The following TTN variants were observed in gnomAD, a reference collection of about 807,000 sequenced individuals.
TTN encodes the protein connectin.
TTN carries 1,525 observed loss-of-function variants against 3,223.0 expected under a neutral mutation model. The ratio of observed to expected loss-of-function variants is 0.47; its 90% CI spans 0.45 to 0.49. The LOEUF is 0.49. Ranked by LOEUF, TTN falls within the 20% of genes least tolerant of loss-of-function variation. The pLI is 0.00. For missense variants in TTN, 40,786 were observed against 43,424.0 expected, an observed-to-expected ratio of 0.94 and a Z score of 5.40; for synonymous variants, 14,094 against 15,161.0, an observed-to-expected ratio of 0.93 and a Z score of 5.17.
rs2048560568 is a variant in TTN, at chr2:178,584,751, G to A, written c.64890C>T (p.Tyr21630=). The A allele has an allele frequency of 6.2e-7, 1 of 1,613,484 alleles. No homozygotes were observed. The highest frequency in any genetic ancestry group is 8.5e-7 in the Non-Finnish European group (1 of 1,179,568). Residue 21630 remains tyrosine (Y), a synonymous_variant, in exon 310 of 363, where the codon TAC becomes TAT. Transcript: ENST00000589042. The part of the protein sequence containing the change: ...RVGKLIPGQE[Y]IFRVRAENRF... Reference sequence around the variant, plus strand: ...GGTTTTCAGCACGGACCCGGAAGATGTACTCCTGGCCTGGGATCAGCTTTC... The same window carrying A: ...GGTTTTCAGCACGGACCCGGAAGATATACTCCTGGCCTGGGATCAGCTTTC...
Position 178,589,246 on chromosome 2 carries a change from A to G in TTN, c.62479T>C (p.Ser20827Pro), listed in dbSNP as rs1001628726. ...TTTGCTTTAGTAAGAGAAAATTTAG[A>G]TGAATCAGCACGGGTATCAATCTTG... ...RVKIDTRADSSKFSLTKAKRS... is the reference protein window; with the variant it reads ...RVKIDTRADSPKFSLTKAKRS... The change falls in exon 304 of 363, where the codon TCT (serine) becomes CCT (proline). Residue 20827 changes from serine to proline, a missense_variant. Coordinates refer to ENST00000589042, the MANE Select transcript of TTN (RefSeq NM_001267550.2). The G allele has an allele frequency of 8.1e-6, 13 of 1,613,370 alleles. No individual in the cohort carries two copies. In the African/African-American group the frequency reaches 1.2e-4, roughly 15 times the overall value.
At position 178,722,943 on chromosome 2, in the gene TTN, G is replaced by A. The variant is rs374870814; in HGVS notation, c.21962-6C>T. 183 of 1,605,556 alleles carry A rather than the reference G, an allele frequency of 1.1e-4. No homozygotes were observed. The highest frequency in any genetic ancestry group is 1.7e-4 in the Middle Eastern group (1 of 5,990). ...CGTAACAAAATAAGGCGGTTCTAAG[G>A]AAGAAAGGCTCACAGTTAGCAACTG... On this transcript the variant is annotated splice_polypyrimidine_tract_variant and splice_region_variant and intron_variant, in intron 75 of 362. Coordinates refer to ENST00000589042, the MANE Select transcript of TTN (RefSeq NM_001267550.2).
rs1699485019 is a variant in TTN at position 178,551,633 on chromosome 2, C to T, written c.91267G>A (p.Val30423Ile). The T allele has an allele frequency of 9.5e-6, 15 of 1,573,276 alleles. No homozygotes were observed. In the East Asian group the frequency reaches 3.4e-4, roughly 35 times the overall value. Residue 30423 changes from valine (V) to isoleucine (I), a missense_variant, in exon 335 of 363, where the codon GTA becomes ATA. Transcript: ENST00000589042. ...PSKFTLAVSP[V>I]DPPGTPDYID... is the part of the protein sequence containing the mutation. ...TATTTGAATAATAATCACTTACCTA[C>T]TGGAGAAACAGCTAAGGTAAATTTG... is the stretch of plus-strand genomic sequence containing the variant.
Position 178,636,202 on chromosome 2 carries a change from ACTTCCT to A in TTN, c.41363_41368del (p.Glu13788_Glu13789del), listed in dbSNP as rs2060417646. On this transcript the variant is annotated inframe_deletion, in exon 226 of 363. Transcript: ENST00000589042. The surrounding 1 kb of genome is among the most constrained non-coding windows in gnomAD (Gnocchi z 4.3). ...CAATGGCTGTCCTTTGACCACTGTG[ACTTCCT>A]CTTCCAGTGTTTTTACAAAACGCAC... The A allele has an allele frequency of 1.2e-6, 2 of 1,602,612 alleles. No individual in the cohort carries two copies. The highest frequency in any genetic ancestry group is 2.7e-5 in the African/African-American group (2 of 74,628).
In TTN at chr2:178,799,740, G is replaced by T. The variant is rs2093957707; in HGVS notation, c.670-9C>A. ...AAGTGGGCTTCAATCTTCTGTAAAA[G>T]ATTAAAACAAAGCCCACGTTGAGGA... On this transcript the variant is annotated splice_polypyrimidine_tract_variant and intron_variant, in intron 5 of 362. Coordinates refer to ENST00000589042, the MANE Select transcript of TTN (RefSeq NM_001267550.2). The T allele has an allele frequency of 6.2e-7, 1 of 1,614,126 alleles. No homozygotes were observed. Among genetic ancestry groups the T allele is most frequent in the Non-Finnish European group, 8.5e-7 (1 of 1,180,008 alleles).
rs764500643 is a variant in TTN at position 178,632,393 on chromosome 2, T to C, written c.43501A>G (p.Thr14501Ala). 20 of 1,591,876 alleles carry C rather than the reference T, an allele frequency of 1.3e-5. No homozygotes were observed. The African/African-American group carries it at 2.7e-4, about 22-fold the overall frequency. The part of the protein sequence containing the change: ...IIEGIRLKFL[T>A]PLKDVTAKEK... ...TTGGCAGTTACATCTTTGAGAGGGG[T>C]GAGGAATTTGAGCCGGATTCCTATC... The change falls in exon 236 of 363, where the codon ACC becomes GCC. Residue 14501 changes from threonine to alanine, a missense_variant. Thr to Ala is a moderately conservative substitution (Grantham distance 58). Coordinates refer to ENST00000589042, the MANE Select transcript of TTN (RefSeq NM_001267550.2).
At position 178,712,200 on chromosome 2, in the gene TTN, C is replaced by T. The variant is rs532738824; in HGVS notation, c.27630G>A (p.Gln9210=). Residue 9210 remains glutamine, a synonymous_variant, in exon 96 of 363, where the codon CAG becomes CAA. Coordinates refer to ENST00000589042, the MANE Select transcript of TTN (RefSeq NM_001267550.2). ...CAACAGACACCTTAACCGGCTCCAA[C>T]TGCTTGACAAAATACGGTGGTTCTG... is the stretch of plus-strand genomic sequence containing the variant. The part of the protein sequence containing the change: ...LILEPPYFVK[Q]LEPVKVSVGD... The T allele has an allele frequency of 6.2e-7, 1 of 1,613,378 alleles. No homozygotes were observed. The highest frequency in any genetic ancestry group is 2.2e-5 in the East Asian group (1 of 44,870).
In TTN at chr2:178,615,388, C is replaced by T. The variant is rs769784536; in HGVS notation, c.48557G>A (p.Arg16186His). The change falls in exon 259 of 363, where the codon CGC (arginine) becomes CAC (histidine). Residue 16186 changes from arginine to histidine, a missense_variant. By Grantham distance (29) the Arg-to-His change is conservative. Transcript: ENST00000589042. ...TCTTTCAACTATATATCCTTTGATG[C>T]GTGAACCACCATCATTTTTAGGTGG... ...WDPPKNDGGSRIKGYIVERCP... is the reference protein window; with the variant it reads ...WDPPKNDGGSHIKGYIVERCP... The T allele has an allele frequency of 2.2e-5, 35 of 1,612,470 alleles. No individual in the cohort carries two copies. The highest frequency in any genetic ancestry group is 8.8e-5 in the South Asian group (8 of 91,022).
At position 178,794,493 on chromosome 2, in the gene TTN, A is replaced by T; in HGVS notation, c.1304T>A (p.Met435Lys). The T allele has an allele frequency of 6.2e-7, 1 of 1,614,212 alleles. No homozygotes were observed. The highest frequency in any genetic ancestry group is 2.2e-5 in the East Asian group (1 of 44,880). ...AVATVVAAVD[M>K]ARVREPVISA... ...GATCACTGGTTCTCTCACTCTGGCC[A>T]TATCAACGGCAGCAACAACAGTCGC... Residue 435 changes from methionine (M) to lysine (K), a missense_variant, in exon 8 of 363, where the codon ATG becomes AAG. Met to Lys is a moderately conservative substitution (Grantham distance 95). Transcript: ENST00000589042.
At position 178,574,059 on chromosome 2, in the gene TTN, C is replaced by G; in HGVS notation, c.72073G>C (p.Glu24025Gln). ...SDAITCRDDV[E>Q]APKIKVDVKF... is the part of the protein sequence containing the mutation. ...ACATCCACCTTTATCTTTGGTGCCTCAACATCATCCCTGCAAGTGATAGCA... is the reference window on the plus strand; with the variant it reads ...ACATCCACCTTTATCTTTGGTGCCTGAACATCATCCCTGCAAGTGATAGCA... The change falls in exon 326 of 363, where the codon GAG becomes CAG. Residue 24025 changes from glutamate to glutamine, a missense_variant. Coordinates refer to ENST00000589042, the MANE Select transcript of TTN (RefSeq NM_001267550.2). 2 of 1,613,352 alleles carry G rather than the reference C, an allele frequency of 1.2e-6. No individual in the cohort carries two copies. Among genetic ancestry groups the G allele is most frequent in the East Asian group, 4.5e-5 (2 of 44,766 alleles).
chr2:178,577,441 A>G lies in TTN; in HGVS notation c.68894T>C (p.Val22965Ala). Residue 22965 changes from valine to alanine, a missense_variant, in exon 324 of 363, where the codon GTT becomes GCT. Val to Ala is a moderately conservative substitution (Grantham distance 64). Transcript: ENST00000589042. Reference protein sequence around the residue: ...GLTIKAGDTIVLNAISILGKP... With the variant: ...GLTIKAGDTIALNAISILGKP... ...GCCAAGAATGCTAATGGCATTCAAA[A>G]CAATGGTATCCCCTGCTTTAATTGT... 1 of 1,609,040 alleles carries G rather than the reference A, an allele frequency of 6.2e-7. No individual in the cohort carries two copies. Among genetic ancestry groups the G allele is most frequent in the Non-Finnish European group, 8.5e-7 (1 of 1,177,100 alleles).
Position 178,591,502 on chromosome 2 carries a change from G to A in TTN, c.60223C>T (p.Pro20075Ser), listed in dbSNP as rs376561549. ...IPIECQEKLV[P>S]PSVELDVKLI... Reference sequence around the variant, plus strand: ...TTCACATCTAGCTCCACGGATGGAGGCACTGAAAAGTAAACATGAAAAAAT... The same window carrying A: ...TTCACATCTAGCTCCACGGATGGAGACACTGAAAAGTAAACATGAAAAAAT... Residue 20075 changes from proline to serine, a missense_variant and splice_region_variant, in exon 304 of 363, where the codon CCT becomes TCT. Physicochemically the swap from Pro to Ser is moderately conservative, Grantham distance 74. Coordinates refer to ENST00000589042, the MANE Select transcript of TTN (RefSeq NM_001267550.2). The A allele has an allele frequency of 6.3e-7, 1 of 1,583,890 alleles. No individual in the cohort carries two copies. Among genetic ancestry groups the A allele is most frequent in the Non-Finnish European group, 8.5e-7 (1 of 1,171,428 alleles).
intron 37 of TTN, among the ~76,000 whole-genome samples, chr2:178,769,385 C>T (rs2091102009): frequency 6.6e-6 from 1 of 151,980 alleles, no homozygotes; most frequent in African/African-American, 2.4e-5. Context: ...TCCTGAGTAG[C>T]TGGGACTACA....
intron 218 of TTN, among the ~76,000 whole-genome samples, chr2:178,643,285 T>A (rs891369453): frequency 1.3e-5 from 2 of 152,016 alleles, no homozygotes; most frequent in Non-Finnish European, 2.9e-5. Flanking sequence ...TTTTATGTGA[T>A]AAAGATAACT....
rs574458186 is a variant in TTN at position 178,736,175 on chromosome 2, T to C, written c.14372-101A>G. On this transcript the variant is annotated intron_variant, in intron 49 of 362. Transcript: ENST00000589042. ...AGAAAAGATGAGTTAAGTCTTTAGATAGACATGAGCCATAATTTAAAATGG... is the reference window on the plus strand; with the variant it reads ...AGAAAAGATGAGTTAAGTCTTTAGACAGACATGAGCCATAATTTAAAATGG... 1.0e-3 allele frequency: 1,077 copies of C among 1,060,202 alleles called. 15 individuals are homozygous for C. In the South Asian group the frequency reaches 0.013, roughly 13 times the overall value. The allele number at this position is 1,060,202 out of a possible 1,614,324, so 65.7% of individuals were successfully genotyped here. A position where few individuals can be genotyped will look rare whatever the true frequency, so the allele number is the denominator to read the frequency against.
Position 178,790,719 on chromosome 2 carries a change from T to C in TTN, c.1789A>G (p.Ser597Gly). The change falls in exon 11 of 363, where the codon AGT becomes GGT. Residue 597 changes from serine (S) to glycine (G), a missense_variant. Ser to Gly is a moderately conservative substitution (Grantham distance 56). Coordinates refer to ENST00000589042, the MANE Select transcript of TTN (RefSeq NM_001267550.2). ...CAGGAAGTCATCACCTTTTCATAAC[T>C]TAGGTGCATTTGATCTTGTTGTGTG... ...TTTQQDQMHL[S>G]YEKIMKETRK... The C allele has an allele frequency of 6.2e-7, 1 of 1,614,158 alleles. No individual in the cohort carries two copies. The highest frequency in any genetic ancestry group is 8.5e-7 in the Non-Finnish European group (1 of 1,179,990).
In TTN at chr2:178,590,923, TA is replaced by T; in HGVS notation, c.60801del (p.His20267GlnfsTer37). On this transcript the variant is annotated frameshift_variant, in exon 304 of 363. Coordinates refer to ENST00000589042, the MANE Select transcript of TTN (RefSeq NM_001267550.2). LOFTEE classifies it high-confidence loss of function. ...CCAGGAGGAGACGGAGGACTAAATT[TA>T]TGCTTAGCAACAGTAGGTGTGGAGT... ...PLDSTPTVAK[H>X]KFSPPSPPGK... 6.2e-7 allele frequency: 1 copy of T among 1,613,066 alleles called. No homozygotes were observed.
chr2:178,585,251 C>T lies in TTN; in HGVS notation c.64493G>A (p.Cys21498Tyr), dbSNP rs752724337. The T allele has an allele frequency of 6.2e-6, 10 of 1,613,236 alleles. No individual in the cohort carries two copies. In the East Asian group the frequency reaches 2.0e-4, roughly 32 times the overall value. The change falls in exon 309 of 363, where the codon TGT becomes TAT. Residue 21498 changes from cysteine to tyrosine, a missense_variant. By Grantham distance (194) the Cys-to-Tyr change is radical. Coordinates refer to ENST00000589042, the MANE Select transcript of TTN (RefSeq NM_001267550.2). Reference sequence around the variant, plus strand: ...TTCATCTTCTCCTTTTTTCCATTTACAGGTGGGATGAGGCTTTCCATACAC... The same window carrying T: ...TTCATCTTCTCCTTTTTTCCATTTATAGGTGGGATGAGGCTTTCCATACAC... The part of the protein sequence containing the change: ...AHVYGKPHPT[C>Y]KWKKGEDEVV...
Position 178,568,109 on chromosome 2 carries a change from A to G in TTN, c.78023T>C (p.Val26008Ala). 2 of 1,613,342 alleles carry G rather than the reference A, an allele frequency of 1.2e-6. No homozygotes were observed. The highest frequency in any genetic ancestry group is 1.7e-6 in the Non-Finnish European group (2 of 1,179,588). ...FATAISKDSMVIQWHEPVNNG... is the reference protein window; with the variant it reads ...FATAISKDSMAIQWHEPVNNG... ...GTTGACTGGTTCATGCCACTGTATG[A>G]CCATGGAGTCTTTGGAAATGGCTGT... Residue 26008 changes from valine to alanine, a missense_variant, in exon 326 of 363, where the codon GTC (valine) becomes GCC (alanine). Coordinates refer to ENST00000589042, the MANE Select transcript of TTN (RefSeq NM_001267550.2).
Sources: gnomAD v4.1 joint callset for allele counts (sites outside exome capture counted in the v4.1 genomes callset) on GRCh38, gnomAD v4.1.1 for gene constraint, Gnocchi (gnomAD v3.1) non-coding constraint, MANE v1.5 for transcripts, NCBI Gene and HGNC (gene_info 2026-07-23, HGNC 2026-07-21) for gene names.